NLGN1: variants seen among roughly 807,000 people sequenced by gnomAD.
NLGN1 encodes the protein neuroligin-1.
NLGN1 carries 12 observed loss-of-function variants against 65.5 expected under a neutral mutation model. The observed-to-expected ratio is 0.18, with a 90% CI of 0.12 to 0.30. The LOEUF is 0.30. Ranked by LOEUF, NLGN1 falls within the 10% of genes least tolerant of loss-of-function variation. The pLI, the probability that NLGN1 is intolerant of heterozygous loss-of-function variation, is 1.00. For missense variants in NLGN1, 750 were observed against 1,007.1 expected (o/e 0.74, Z 3.46); for synonymous variants, 350 against 359.5 (o/e 0.97, Z 0.30).
intron 2 of NLGN1, among the ~76,000 whole-genome samples, chr3:173,539,633 C>CATATATA (rs1364769727): frequency 9.3e-4 from 37 of 39,740 alleles, no homozygotes; most frequent in East Asian, 6.1e-3. Flanking sequence ...TTTATATATA[C>CATATATA]ACATATATAC....
At chr3:173,859,922 T>C (rs958389474) in intron 4 of NLGN1, among the ~76,000 whole-genome samples, 10 of 152,056 alleles carry the variant, frequency 6.6e-5, no homozygotes, top group Admixed American at 3.3e-4. Context: ...TTCATTTTAT[T>C]TCTAACTTTA....
rs181801306 is a variant in NLGN1 at position 173,548,454 on chromosome 3, T to G, written c.-320-55825T>G. Among the ~76,000 whole-genome samples, 464 of 151,348 alleles carry G rather than the reference T, an allele frequency of 3.1e-3. 7 individuals carry two copies. Among genetic ancestry groups the G allele is most frequent in the Admixed American group, 0.029 (430 of 15,060 alleles). On this transcript the variant is annotated intron_variant, in intron 2 of 6. Transcript: ENST00000457714. ...ACTAGAGTAAACTGGGAACTGTGCT[T>G]GGAACCCAGAGTGATACCAGCACCT...
intron 4 of NLGN1, among the ~76,000 whole-genome samples, chr3:174,188,263 C>T (rs2216468): frequency 0.78 from 118,731 of 151,936 alleles, 46,719 homozygotes; most frequent in African/African-American, 0.87. Context: ...GTAATTTGTA[C>T]GTTTATGAAA....
intron 2 of NLGN1, among the ~76,000 whole-genome samples, chr3:173,447,220 G>C (rs1023956484): frequency 7.9e-5 from 12 of 152,056 alleles, no homozygotes; most frequent in East Asian, 1.9e-4. Flanking sequence ...AGTCTTTAAT[G>C]CATCTTGAAT....
chr3:173,484,362 A>C (rs1727803717), intron 2 of NLGN1, among the ~76,000 whole-genome samples: 1 of 152,154 alleles, frequency 6.6e-6, no homozygotes, highest in Admixed American at 6.6e-5. Flanking sequence ...GGGGAGAGGG[A>C]TGGATTTGTT....
chr3:173,452,249 G>C (rs1341598980), intron 2 of NLGN1, among the ~76,000 whole-genome samples: 1 of 151,270 alleles, frequency 6.6e-6, no homozygotes, highest in African/African-American at 2.5e-5. Context: ...AGGCTGGAGT[G>C]CAGTGGCGCG....
intron 3 of NLGN1, among the ~76,000 whole-genome samples, chr3:173,783,375 G>C (rs534343507): frequency 2.0e-5 from 3 of 152,272 alleles, no homozygotes; most frequent in African/African-American, 4.8e-5. Context: ...CCTGTAACTT[G>C]GAACAAGTTA....
chr3:174,010,603 T>C (rs899075160), intron 4 of NLGN1, among the ~76,000 whole-genome samples: 6 of 152,166 alleles, frequency 3.9e-5, no homozygotes, highest in African/African-American at 1.4e-4. Context: ...ATAGACACAA[T>C]TCTTCTTATG....
chr3:173,646,369 C>T (rs1577715182), intron 3 of NLGN1, among the ~76,000 whole-genome samples: 1 of 152,200 alleles, frequency 6.6e-6, no homozygotes, highest in Non-Finnish European at 1.5e-5. Flanking sequence ...CCCCATGCCT[C>T]ACGAATTAAG....
intron 4 of NLGN1, among the ~76,000 whole-genome samples, chr3:173,918,150 G>A (rs1041777777): frequency 6.6e-5 from 10 of 152,078 alleles, no homozygotes; most frequent in East Asian, 1.9e-4. Flanking sequence ...TAATGCATTC[G>A]TTACTTATTA....
At chr3:173,482,852 A>G (rs1727523662) in intron 2 of NLGN1, among the ~76,000 whole-genome samples, 1 of 152,044 alleles carries the variant, frequency 6.6e-6, no homozygotes, top group African/African-American at 2.4e-5. Context: ...AACAACTATT[A>G]TTACATGGAC....
chr3:173,421,331 A>T (rs948557649), intron 1 of NLGN1, among the ~76,000 whole-genome samples: 1 of 151,944 alleles, frequency 6.6e-6, no homozygotes, highest in African/African-American at 2.4e-5. Context: ...CTTTCCTTCA[A>T]ATACGTTAGT....
At chr3:173,939,344 TA>T (rs1223433014) in intron 4 of NLGN1, among the ~76,000 whole-genome samples, 5 of 152,172 alleles carry the variant, frequency 3.3e-5, no homozygotes, top group Non-Finnish European at 1.5e-5. Flanking sequence ...GAATGAAAAC[TA>T]AACAGCTCTT....
chr3:173,436,663 A>G lies in NLGN1; in HGVS notation c.-321+1585A>G, dbSNP rs147684170. Among the ~76,000 whole-genome samples the G allele has an allele frequency of 5.3e-5, 8 of 152,292 alleles. No homozygotes were observed. In the East Asian group the frequency reaches 5.8e-4, roughly 11 times the overall value. On this transcript the variant is annotated intron_variant, in intron 2 of 6. Coordinates refer to ENST00000457714, the Ensembl canonical transcript of NLGN1. ...CCTTGAGAAGCTAACCTTGACTTCT[A>G]TAAGTTACATCCACCCAGGCCCCCT...
intron 2 of NLGN1, among the ~76,000 whole-genome samples, chr3:173,478,150 A>G (rs368718894): frequency 6.6e-6 from 1 of 152,188 alleles, no homozygotes; most frequent in East Asian, 1.9e-4. Flanking sequence ...CATGGAATCA[A>G]CCCAAATGCC....
At chr3:173,641,202 A>C (rs1482345570) in intron 3 of NLGN1, among the ~76,000 whole-genome samples, 1 of 152,204 alleles carries the variant, frequency 6.6e-6, no homozygotes, top group Admixed American at 6.5e-5. Flanking sequence ...TAATTTTGTT[A>C]TAGTAAATTA....
intron 4 of NLGN1, among the ~76,000 whole-genome samples, chr3:174,149,799 A>G (rs1347758991): frequency 2.0e-5 from 3 of 152,244 alleles, no homozygotes; most frequent in East Asian, 1.9e-4. Context: ...AAACCTGGAT[A>G]AGCACATCAC....
At chr3:174,019,334 G>A (rs1253893555) in intron 4 of NLGN1, among the ~76,000 whole-genome samples, 1 of 152,072 alleles carries the variant, frequency 6.6e-6, no homozygotes, top group Non-Finnish European at 1.5e-5. Context: ...GCCATGGATA[G>A]GACTGGTGGC....
chr3:173,792,754 GT>G (rs1713094157), intron 3 of NLGN1, among the ~76,000 whole-genome samples: 1 of 152,120 alleles, frequency 6.6e-6, no homozygotes, highest in Non-Finnish European at 1.5e-5. Flanking sequence ...TAAGGAAATA[GT>G]AAAGACTTTT....
Sources: gnomAD v4.1 joint callset for allele counts (sites outside exome capture counted in the v4.1 genomes callset) on GRCh38, gnomAD v4.1.1 for gene constraint, MANE v1.5 for transcripts, NCBI Gene and HGNC (gene_info 2026-07-23, HGNC 2026-07-21) for gene names.